The following RC3H1 variants were observed in gnomAD, a reference collection of about 807,000 sequenced individuals.
RC3H1 encodes the protein ring finger and CCCH-type domains 1.
RC3H1 carries 50 observed loss-of-function variants against 138.2 expected under a neutral mutation model. The ratio of observed to expected loss-of-function variants is 0.36; its 90% confidence interval spans 0.29 to 0.46. The LOEUF is 0.46. RC3H1 is among the 20% of genes least tolerant of loss of function. The pLI, the probability that RC3H1 is intolerant of heterozygous loss-of-function variation, is 1.00. For missense variants in RC3H1, 1,031 were observed against 1,388.1 expected, an observed-to-expected ratio of 0.74 and a Z score of 4.09; for synonymous variants, 462 against 489.1, an observed-to-expected ratio of 0.94 and a Z score of 0.73.
intron 9 of RC3H1, among the ~76,000 whole-genome samples, chr1:173,968,827 T>C (rs945201837): frequency 6.6e-6 from 1 of 151,856 alleles, no homozygotes; most frequent in African/African-American, 2.4e-5. Context: ...TGAGAAAGTA[T>C]GGCATTTCTG....
chr1:174,002,795 A>G (rs11587712), intron 1 of RC3H1, among the ~76,000 whole-genome samples: 4,355 of 152,290 alleles, frequency 0.029, 95 homozygotes, highest in Non-Finnish European at 0.046. Context: ...CTCCTTGCCC[A>G]TATCTATTGA....
intron 13 of RC3H1, among the ~76,000 whole-genome samples, chr1:173,957,220 A>C (rs1335289973): frequency 1.3e-5 from 2 of 152,230 alleles, no homozygotes; most frequent in Non-Finnish European, 2.9e-5. Context: ...AAATAACAAT[A>C]ATAAATATGA....
chr1:174,005,106 A>G (rs1661631300), intron 1 of RC3H1, among the ~76,000 whole-genome samples: 1 of 152,208 alleles, frequency 6.6e-6, no homozygotes, highest in Non-Finnish European at 1.5e-5. Flanking sequence ...CAACAGTTGC[A>G]TGCAACAGAA....
At chr1:174,014,567 C>CTTCTA (rs1247750116) in intron 1 of RC3H1, among the ~76,000 whole-genome samples, 2 of 152,108 alleles carry the variant, frequency 1.3e-5, no homozygotes, top group Non-Finnish European at 2.9e-5. Context: ...TTATATGTAG[C>CTTCTA]TTCTATATTA....
In RC3H1 at chr1:173,961,833, A is replaced by T; in HGVS notation, c.2094T>A (p.Pro698=). Residue 698 remains proline, a synonymous_variant, in exon 12 of 20, where the codon CCT becomes CCA. Coordinates refer to ENST00000367696, the MANE Select transcript of RC3H1 (RefSeq NM_172071.4). Reference sequence around the variant, plus strand: ...CTGGTACATACGATGGTACTGCTGCAGGTGGAATCTCAATGGGTATAGGGC... The same window carrying T: ...CTGGTACATACGATGGTACTGCTGCTGGTGGAATCTCAATGGGTATAGGGC... ...RESPIPIEIP[P]AAVPSYVPES... The T allele has an allele frequency of 6.2e-7, 1 of 1,614,072 alleles. No individual in the cohort carries two copies. Among genetic ancestry groups the T allele is most frequent in the Non-Finnish European group, 8.5e-7 (1 of 1,180,040 alleles).
chr1:173,973,295 T>C (rs183581943), intron 7 of RC3H1, among the ~76,000 whole-genome samples: 1 of 152,326 alleles, frequency 6.6e-6, no homozygotes, highest in African/African-American at 2.4e-5. Flanking sequence ...CTCAGCACTT[T>C]CGCAGGCCGA....
chr1:174,010,805 A>G (rs1044151450), intron 1 of RC3H1, among the ~76,000 whole-genome samples: 1 of 152,152 alleles, frequency 6.6e-6, no homozygotes, highest in Non-Finnish European at 1.5e-5. Context: ...TGACAACTCA[A>G]TTTTTAAAAA....
rs144963426 is a variant in RC3H1 at position 174,021,801 on chromosome 1, C to A, written c.-151+295G>T. On this transcript the variant is annotated intron_variant, in intron 1 of 19. Transcript: ENST00000367696. Reference sequence around the variant, plus strand: ...TACCACAGGAGCCAGGTAGCCCTTTCGCCCCCTCCCTCTCGTCCGAGCCTC... The same window carrying A: ...TACCACAGGAGCCAGGTAGCCCTTTAGCCCCCTCCCTCTCGTCCGAGCCTC... Among the ~76,000 whole-genome samples the A allele has an allele frequency of 6.0e-3, 907 of 152,336 alleles. 3 individuals are homozygous for A. Among genetic ancestry groups the A allele is most frequent in the Non-Finnish European group, 8.9e-3 (602 of 68,016 alleles).
At chr1:173,946,933 G>A in intron 15 of RC3H1, 97 bp from the exon 16 acceptor site, 1 of 779,620 alleles carries the variant, frequency 1.3e-6, no homozygotes, top group Non-Finnish European at 2.2e-6. Context: ...GCATACACAG[G>A]TATCTGGTAT....
rs375825256 is a variant in RC3H1 at position 173,993,965 on chromosome 1, A to G, written c.-150-830T>C. Among the ~76,000 whole-genome samples the G allele has an allele frequency of 5.3e-5, 7 of 133,056 alleles. No individual in the cohort carries two copies. The East Asian group carries it at 9.2e-4, about 17-fold the overall frequency. 87.3% of individuals were successfully genotyped at this position (133,056 alleles called of 152,430 possible). A position where few individuals can be genotyped will look rare whatever the true frequency, so the allele number is the denominator to read the frequency against. On this transcript the variant is annotated intron_variant, in intron 1 of 19. Transcript: ENST00000367696. Reference sequence around the variant, plus strand: ...AACCCGGGAGGCGGAGGTTGTGGTGAGCCAAGATCGCGCCATTGCACTCCA... The same window carrying G: ...AACCCGGGAGGCGGAGGTTGTGGTGGGCCAAGATCGCGCCATTGCACTCCA...
chr1:174,007,907 C>G (rs1557952803), intron 1 of RC3H1, among the ~76,000 whole-genome samples: 2 of 152,144 alleles, frequency 1.3e-5, no homozygotes. Context: ...ATTTTGAATG[C>G]AGCAGATTTC....
chr1:174,006,241 C>G lies in RC3H1; in HGVS notation c.-150-13106G>C, dbSNP rs151171739. Among the ~76,000 whole-genome samples, 46 of 152,202 alleles carry G rather than the reference C, an allele frequency of 3.0e-4. No homozygotes were observed. The East Asian group carries it at 6.0e-3, about 20-fold the overall frequency. On this transcript the variant is annotated intron_variant, in intron 1 of 19. Transcript: ENST00000367696. ...AAATAAGTAAATAAATAAATAAAGACTGTTCTTTACCATCATTAGCTAAGG... is the reference window on the plus strand; with the variant it reads ...AAATAAGTAAATAAATAAATAAAGAGTGTTCTTTACCATCATTAGCTAAGG...
chr1:174,019,371 T>C (rs1187798813), intron 1 of RC3H1, among the ~76,000 whole-genome samples: 2 of 152,210 alleles, frequency 1.3e-5, no homozygotes, highest in Non-Finnish European at 2.9e-5. Flanking sequence ...CATGTGGTAG[T>C]GGCAAAGAAT....
intron 18 of RC3H1, 105 bp from the exon 19 acceptor site, chr1:173,941,485 A>G (rs370824717): frequency 2.8e-5 from 19 of 680,856 alleles, no homozygotes; most frequent in African/African-American, 7.2e-5. Context: ...AATCATATTC[A>G]ATTTTGTAAA....
Position 173,965,020 on chromosome 1 carries a change from C to G in RC3H1, c.1435G>C (p.Asp479His), listed in dbSNP as rs1660048802. ...CTAGGGAGATCCACTGCACCTTCAT[C>G]TGGAAGGATAGCTGCTGAAGGCAGG... ...VGLPSAAILPDEGAVDLPSRK... is the reference protein window; with the variant it reads ...VGLPSAAILPHEGAVDLPSRK... The change falls in exon 10 of 20, where the codon GAT (aspartate) becomes CAT (histidine). Residue 479 changes from aspartate to histidine, a missense_variant. Physicochemically the swap from Asp to His is moderately conservative, Grantham distance 81. Transcript: ENST00000367696. The G allele has an allele frequency of 6.2e-7, 1 of 1,614,042 alleles. No homozygotes were observed. Among genetic ancestry groups the G allele is most frequent in the Admixed American group, 1.7e-5 (1 of 60,002 alleles).
At position 173,932,371 on chromosome 1, in the gene RC3H1, G is replaced by A. The variant is rs1204398268; in HGVS notation, c.*6350C>T. 1.3e-5 allele frequency: 2 copies of A among 151,630 alleles called. No homozygotes were observed. Among genetic ancestry groups the A allele is most frequent in the Non-Finnish European group, 2.9e-5 (2 of 67,868 alleles). 9.4% of individuals were successfully genotyped at this position (151,630 alleles called of 1,614,324 possible). ...AAAAAGGGCAGAAGGGGTAACAAGG[G>A]GAAGACACCACAAACACGAAGAGGA... On this transcript the variant is annotated 3_prime_UTR_variant, in exon 20 of 20. Transcript: ENST00000367696.
At chr1:174,008,407 A>C (rs1571241730) in intron 1 of RC3H1, among the ~76,000 whole-genome samples, 1 of 152,174 alleles carries the variant, frequency 6.6e-6, no homozygotes, top group East Asian at 1.9e-4. Flanking sequence ...AAAAGAAGAA[A>C]GAAGGAAGCA....
intron 13 of RC3H1, among the ~76,000 whole-genome samples, chr1:173,952,376 T>G (rs756336508): frequency 0.04 from 3,366 of 84,972 alleles, 38 homozygotes; most frequent in African/African-American, 0.13. Flanking sequence ...TTTTTTTTTG[T>G]TTTTTTTTTT....
chr1:173,941,125 A>C (rs527380566), intron 19 of RC3H1, 140 bp downstream of exon 19: 2 of 645,098 alleles, frequency 3.1e-6, no homozygotes, highest in African/African-American at 3.7e-5. Flanking sequence ...GGCCGCAAAA[A>C]TATTCTTTAT....
Sources: allele counts gnomAD v4.1 joint callset (sites outside exome capture counted in the v4.1 genomes callset), GRCh38; gene constraint gnomAD v4.1.1; transcripts MANE v1.5; gene names NCBI Gene and HGNC (gene_info 2026-07-23, HGNC 2026-07-21).